The following GRIK2 variants were observed in gnomAD, a reference collection of about 807,000 sequenced individuals.
The protein encoded by GRIK2 is glutamate ionotropic receptor kainate type subunit 2.
In GRIK2, 32 loss-of-function variants were observed where a neutral mutation model predicts 100.3. The ratio of observed to expected loss-of-function variants is 0.32; its 90% CI spans 0.24 to 0.43. GRIK2 has a LOEUF of 0.43. Among genes scored for constraint, GRIK2 ranks in the 20% least tolerant of loss-of-function variants. The pLI, the probability that GRIK2 is intolerant of heterozygous loss-of-function variation, is 1.00. For synonymous variants in GRIK2, 417 were observed against 389.4 expected, an observed-to-expected ratio of 1.07 and a Z score of -0.83; for missense variants, 843 against 1,114.9, an observed-to-expected ratio of 0.76 and a Z score of 3.47.
chr6:101,462,499 G>A (rs1304797395), intron 2 of GRIK2, among the ~76,000 whole-genome samples: 2 of 151,894 alleles, frequency 1.3e-5, no homozygotes, highest in African/African-American at 4.8e-5. Context: ...AAGATTTGGG[G>A]GACACAATTT....
At chr6:101,419,715 T>C (rs1195291846) in intron 2 of GRIK2, among the ~76,000 whole-genome samples, 3 of 152,206 alleles carry the variant, frequency 2.0e-5, no homozygotes, top group Non-Finnish European at 4.4e-5. Context: ...GTTCCAAATG[T>C]CCTAAATATT....
intron 12 of GRIK2, among the ~76,000 whole-genome samples, chr6:101,903,904 G>A (rs1220540021): frequency 6.6e-6 from 1 of 151,530 alleles, no homozygotes; most frequent in East Asian, 1.9e-4. Context: ...TGTTTCTAGG[G>A]GAAAATATCT....
chr6:101,839,460 G>A (rs1783361902), intron 10 of GRIK2, among the ~76,000 whole-genome samples: 2 of 151,826 alleles, frequency 1.3e-5, no homozygotes, highest in East Asian at 3.8e-4. Context: ...GGATGAGTGT[G>A]AACAGATAGG....
At chr6:101,695,089 C>G (rs1011330554) in intron 7 of GRIK2, among the ~76,000 whole-genome samples, 1 of 151,768 alleles carries the variant, frequency 6.6e-6, no homozygotes, top group African/African-American at 2.4e-5. Context: ...GCTGCTCTGA[C>G]AGAATACCTA....
intron 12 of GRIK2, among the ~76,000 whole-genome samples, chr6:101,895,683 T>G (rs1206138978): frequency 2.0e-5 from 3 of 151,794 alleles, no homozygotes; most frequent in Non-Finnish European, 4.4e-5. Flanking sequence ...TTGTTGTTTG[T>G]CTTTGCCACC....
chr6:101,820,447 T>TCTC (rs796942165), intron 10 of GRIK2, among the ~76,000 whole-genome samples: 1 of 151,060 alleles, frequency 6.6e-6, no homozygotes, highest in African/African-American at 2.4e-5. Flanking sequence ...TTCTTCTTCT[T>TCTC]CTCCTCCTCC....
chr6:101,506,440 G>A (rs1193207814), intron 2 of GRIK2, among the ~76,000 whole-genome samples: 1 of 152,000 alleles, frequency 6.6e-6, no homozygotes, highest in Non-Finnish European at 1.5e-5. Flanking sequence ...AATTTAAATG[G>A]TTTTTAAAAT....
At chr6:101,892,522 T>G (rs889274316) in intron 12 of GRIK2, among the ~76,000 whole-genome samples, 1 of 148,212 alleles carries the variant, frequency 6.7e-6, no homozygotes, top group African/African-American at 2.5e-5. Flanking sequence ...AATGTACCAG[T>G]TTTTTTTTTA....
chr6:102,062,022 C>A (rs1022044261), intron 16 of GRIK2, among the ~76,000 whole-genome samples: 1 of 121,458 alleles, frequency 8.2e-6, no homozygotes, highest in Non-Finnish European at 1.9e-5. Flanking sequence ...GTTGTCAGAC[C>A]TTATTTTTTT....
intron 10 of GRIK2, among the ~76,000 whole-genome samples, chr6:101,857,848 C>T (rs893270763): frequency 2.0e-5 from 3 of 152,126 alleles, no homozygotes; most frequent in South Asian, 2.1e-4. Flanking sequence ...AAATTGGCTC[C>T]TCACCCCTTT....
intron 7 of GRIK2, among the ~76,000 whole-genome samples, chr6:101,740,887 C>T (rs980314425): frequency 1.3e-5 from 2 of 152,162 alleles, no homozygotes; most frequent in Admixed American, 6.6e-5. Context: ...CATGAGGGTT[C>T]TGCCCACTGA....
chr6:101,721,391 A>G (rs144954849), intron 7 of GRIK2, among the ~76,000 whole-genome samples: 3,290 of 152,038 alleles, frequency 0.022, 120 homozygotes, highest in African/African-American at 0.074. Flanking sequence ...TCTGTTCTCT[A>G]CAAAAATAAA....
chr6:101,808,810 T>C (rs1375496576), intron 9 of GRIK2, among the ~76,000 whole-genome samples: 1 of 151,902 alleles, frequency 6.6e-6, no homozygotes, highest in African/African-American at 2.4e-5. Flanking sequence ...GAAATAGTGC[T>C]GAGGGACCTT....
chr6:102,021,899 C>T lies in GRIK2; in HGVS notation c.2086-13442C>T, dbSNP rs898607084. 4.8e-4 allele frequency among the ~76,000 whole-genome samples: 72 copies of T among 149,508 alleles called. 1 individual carries two copies. The highest frequency in any genetic ancestry group is 2.5e-4 in the Non-Finnish European group (17 of 67,366). ...GTGTCACTTTTGTTTTAAATAGTAGCGTAGACCTTTCTTCACTTGTTTCAA... is the reference window on the plus strand; with the variant it reads ...GTGTCACTTTTGTTTTAAATAGTAGTGTAGACCTTTCTTCACTTGTTTCAA... On this transcript the variant is annotated intron_variant, in intron 14 of 16. Coordinates refer to ENST00000369134, the MANE Select transcript of GRIK2 (RefSeq NM_021956.5).
chr6:101,664,674 T>A (rs1369810774), intron 4 of GRIK2, among the ~76,000 whole-genome samples: 2 of 152,182 alleles, frequency 1.3e-5, no homozygotes, highest in Non-Finnish European at 2.9e-5. Flanking sequence ...TTATAAGTCA[T>A]AATCAGGCTG....
intron 2 of GRIK2, among the ~76,000 whole-genome samples, chr6:101,598,129 A>T (rs948301045): frequency 4.6e-5 from 7 of 151,742 alleles, no homozygotes; most frequent in African/African-American, 7.3e-5. Flanking sequence ...TTTAAAAGTC[A>T]TTTGGATAAT....
At chr6:101,560,747 AC>A (rs1776972325) in intron 2 of GRIK2, among the ~76,000 whole-genome samples, 1 of 151,252 alleles carries the variant, frequency 6.6e-6, no homozygotes, top group Admixed American at 6.6e-5. Context: ...AAGAAAAAAA[AC>A]AAAATCATAA....
intron 14 of GRIK2, among the ~76,000 whole-genome samples, chr6:101,944,228 A>C (rs1306971573): frequency 1.3e-5 from 2 of 152,056 alleles, no homozygotes; most frequent in Non-Finnish European, 2.9e-5. Flanking sequence ...TAGAACTTTG[A>C]CTCAATTAAA....
chr6:102,064,323 CCTTTCCTTTCCTTT>C (rs1031812414), intron 16 of GRIK2, among the ~76,000 whole-genome samples: 10 of 148,660 alleles, frequency 6.7e-5, no homozygotes, highest in Non-Finnish European at 9.0e-5. Flanking sequence ...CCTCCTCCTT[CCTTTCCTTTCCTTT>C]CTTTCCTTTC....
Sources: gnomAD v4.1 joint callset for allele counts (sites outside exome capture counted in the v4.1 genomes callset) on GRCh38, gnomAD v4.1.1 for gene constraint, MANE v1.5 for transcripts, NCBI Gene and HGNC (gene_info 2026-07-23, HGNC 2026-07-21) for gene names.